Variants in RIT2 observed in about 807,000 individuals in gnomAD.
RIT2 encodes Ras like without CAAX 2.
Under a neutral mutation model 23.7 loss-of-function variants are expected in RIT2, and 24 were observed. The ratio of observed to expected loss-of-function variants is 1.01; its 90% CI spans 0.73 to 1.43. RIT2 has a LOEUF of 1.43. Among genes scored for constraint, RIT2 ranks in the 40% most tolerant of loss-of-function variants. RIT2 has a pLI of 0.00. For missense variants in RIT2, 236 were observed against 266.9 expected (o/e 0.88, Z 0.81); for synonymous variants, 107 against 91.1 (o/e 1.17, Z -0.99).
At chr18:42,934,137 G>T in intron 3 of RIT2, among the ~76,000 whole-genome samples, 1 of 151,356 alleles carries the variant, frequency 6.6e-6, no homozygotes, top group East Asian at 1.9e-4. Context: ...CTTGCATCCT[G>T]CATACAAATA....
intron 2 of RIT2, among the ~76,000 whole-genome samples, chr18:43,022,359 A>C (rs1001830761): frequency 3.3e-5 from 5 of 152,138 alleles, no homozygotes; most frequent in African/African-American, 1.2e-4. Context: ...ACATACAGTT[A>C]GACTGAAGGA....
rs150958953 is a variant in RIT2 at position 42,888,472 on chromosome 18, C to T, written c.426+35100G>A. Among the ~76,000 whole-genome samples the T allele has an allele frequency of 1.2e-4, 18 of 152,092 alleles. No homozygotes were observed. The East Asian group carries it at 3.5e-3, about 29-fold the overall frequency. On this transcript the variant is annotated intron_variant, in intron 4 of 4. Transcript: ENST00000326695. ...TGGTTGAACTAATTTACATTCCCAG[C>T]AACACTGTATAAGCATTCCCTTTTC...
intron 4 of RIT2, among the ~76,000 whole-genome samples, chr18:42,797,647 AC>A (rs1235790361): frequency 6.6e-6 from 1 of 152,178 alleles, no homozygotes; most frequent in East Asian, 1.9e-4. Context: ...TTCCTGAGTC[AC>A]TATGAGGCCT....
chr18:42,871,225 C>T (rs1256795058), intron 4 of RIT2, among the ~76,000 whole-genome samples: 1 of 152,204 alleles, frequency 6.6e-6, no homozygotes, highest in Non-Finnish European at 1.5e-5. Flanking sequence ...CACATTTTAA[C>T]ACTTAATATT....
intron 1 of RIT2, among the ~76,000 whole-genome samples, chr18:43,083,489 G>T (rs768673995): frequency 1.3e-5 from 2 of 152,104 alleles, no homozygotes; most frequent in Non-Finnish European, 2.9e-5. Flanking sequence ...ATACTAAAAG[G>T]CTACAGTAAC....
chr18:43,088,041 T>C (rs1331012752), intron 1 of RIT2, among the ~76,000 whole-genome samples: 2 of 152,214 alleles, frequency 1.3e-5, no homozygotes, highest in African/African-American at 2.4e-5. Context: ...GAAGAGTTGA[T>C]GTCTAATCCA....
intron 3 of RIT2, among the ~76,000 whole-genome samples, chr18:42,964,276 AG>A (rs1910161135): frequency 6.6e-6 from 1 of 152,052 alleles, no homozygotes; most frequent in South Asian, 2.1e-4. Context: ...ATTAAGCCAA[AG>A]GGAAAAGTTA....
At chr18:42,837,761 GTGT>G (rs1906658154) in intron 4 of RIT2, among the ~76,000 whole-genome samples, 1 of 152,066 alleles carries the variant, frequency 6.6e-6, no homozygotes, top group Non-Finnish European at 1.5e-5. Flanking sequence ...TCCCCAGGTG[GTGT>G]TGTTTATTTT....
At chr18:42,749,345 C>T (rs1243279106) in intron 4 of RIT2, among the ~76,000 whole-genome samples, 1 of 151,784 alleles carries the variant, frequency 6.6e-6, no homozygotes, top group Non-Finnish European at 1.5e-5. Context: ...ATGCTTATAG[C>T]ATTACAAGCA....
At chr18:42,851,633 C>T (rs555832167) in intron 4 of RIT2, among the ~76,000 whole-genome samples, 2 of 151,990 alleles carry the variant, frequency 1.3e-5, no homozygotes, top group African/African-American at 2.4e-5. Flanking sequence ...AGGTGGATCC[C>T]GAGGTCAGGA....
At chr18:42,977,512 T>C (rs1910501816) in intron 2 of RIT2, among the ~76,000 whole-genome samples, 1 of 152,006 alleles carries the variant, frequency 6.6e-6, no homozygotes, top group South Asian at 2.1e-4. Flanking sequence ...CTGTAGAAAG[T>C]AGTAATGATC....
chr18:42,794,621 T>C (rs615294), intron 4 of RIT2, among the ~76,000 whole-genome samples: 88,096 of 152,104 alleles, frequency 0.58, 29,110 homozygotes, highest in Non-Finnish European at 0.73. Context: ...TGATTTCTAC[T>C]TCTGATTTAA....
intron 4 of RIT2, among the ~76,000 whole-genome samples, chr18:42,837,183 T>G (rs1005326837): frequency 5.9e-5 from 8 of 134,926 alleles, no homozygotes; most frequent in Non-Finnish European, 1.2e-4. Flanking sequence ...TTTTTTTTTT[T>G]TTGAGACGGA....
At chr18:42,858,353 C>T (rs950724883) in intron 4 of RIT2, among the ~76,000 whole-genome samples, 6 of 152,180 alleles carry the variant, frequency 3.9e-5, no homozygotes, top group Admixed American at 3.9e-4. Flanking sequence ...AGGCACTTTG[C>T]ACTCTCCCAG....
chr18:42,791,694 C>T (rs1341830703), intron 4 of RIT2, among the ~76,000 whole-genome samples: 1 of 152,056 alleles, frequency 6.6e-6, no homozygotes, highest in Non-Finnish European at 1.5e-5. Context: ...TGTTTTAATC[C>T]ATTTTTGTGG....
intron 3 of RIT2, among the ~76,000 whole-genome samples, chr18:42,952,197 C>T (rs1043615360): frequency 1.3e-5 from 2 of 152,044 alleles, no homozygotes; most frequent in Non-Finnish European, 2.9e-5. Flanking sequence ...ATTATTCAGC[C>T]TTCAAAAGGA....
At chr18:43,100,254 A>G (rs1264398209) in intron 1 of RIT2, among the ~76,000 whole-genome samples, 1 of 152,132 alleles carries the variant, frequency 6.6e-6, no homozygotes, top group Non-Finnish European at 1.5e-5. Context: ...CCAAGCAGAT[A>G]TCTGGAGAAA....
chr18:42,781,686 C>T (rs1003344579), intron 4 of RIT2, among the ~76,000 whole-genome samples: 1 of 152,170 alleles, frequency 6.6e-6, no homozygotes, highest in African/African-American at 2.4e-5. Flanking sequence ...GCTAGTTCTG[C>T]TATTTGGGGA....
intron 2 of RIT2, among the ~76,000 whole-genome samples, chr18:43,028,184 A>T (rs1039587934): frequency 6.6e-6 from 1 of 152,026 alleles, no homozygotes; most frequent in African/African-American, 2.4e-5. Context: ...ATATGTGTGT[A>T]TGTGTCTGTA....
Sources: allele counts gnomAD v4.1 joint callset (sites outside exome capture counted in the v4.1 genomes callset), GRCh38; gene constraint gnomAD v4.1.1; transcripts MANE v1.5; gene names NCBI Gene and HGNC (gene_info 2026-07-23, HGNC 2026-07-21).